AMY2B: variants seen among roughly 807,000 people sequenced by gnomAD.
AMY2B encodes the protein amylase alpha 2B, also known as alpha-amylase 2B.
A neutral mutation model predicts 59.3 loss-of-function variants in AMY2B; 63 were observed. The ratio of observed to expected loss-of-function variants is 1.06; its 90% CI spans 0.87 to 1.31. The LOEUF is 1.31. AMY2B is among the 50% of genes most tolerant of loss of function. The probability of loss-of-function intolerance (pLI) is 0.00; values close to 1 mark genes in which losing one functional copy is unlikely to be tolerated. For synonymous variants in AMY2B, 180 were observed against 198.1 expected, an observed-to-expected ratio of 0.91 and a Z score of 0.77; for missense variants, 635 against 626.7, an observed-to-expected ratio of 1.01 and a Z score of -0.14.
intron 4 of AMY2B, 62 bp from the exon 5 acceptor site, chr1:103,574,198 T>C: frequency 1.2e-6 from 2 of 1,607,964 alleles, no homozygotes; most frequent in Non-Finnish European, 1.7e-6. Flanking sequence ...AATATTAACT[T>C]ATTGGTTAAA....
chr1:103,569,670 C>T (rs1652043346), upstream of AMY2B: 14 of 387,460 alleles, frequency 3.6e-5, no homozygotes, highest in South Asian at 2.6e-4. Context: ...GCCCCCGGCA[C>T]CAGGGCATGA....
intron 9 of AMY2B, 139 bp downstream of exon 9, chr1:103,577,984 G>C: frequency 6.6e-7 from 1 of 1,513,836 alleles, no homozygotes; most frequent in Non-Finnish European, 8.8e-7. Context: ...ATCAAAATTG[G>C]GCAGAAGTAA....
At chr1:103,562,842 T>C (rs184463359) in intron 1 of AMY2B, among the ~76,000 whole-genome samples, 30 of 152,172 alleles carry the variant, frequency 2.0e-4, no homozygotes, top group African/African-American at 7.0e-4. Context: ...AAGTTGCTAC[T>C]TTCTGCTTAA....
intron 1 of AMY2B, among the ~76,000 whole-genome samples, chr1:103,557,021 T>C (rs1651573748): frequency 6.6e-6 from 1 of 151,878 alleles, no homozygotes; most frequent in African/African-American, 2.4e-5. Flanking sequence ...CTGATGATTT[T>C]CAAGAAGAAT....
intron 1 of AMY2B, among the ~76,000 whole-genome samples, chr1:103,557,575 A>C (rs1265811780): frequency 4.0e-5 from 6 of 151,892 alleles, no homozygotes; most frequent in Non-Finnish European, 7.4e-5. Flanking sequence ...AATCATTTGA[A>C]CCCGAAGGTG....
chr1:103,563,416 A>G lies in AMY2B; in HGVS notation c.-206-2019A>G, dbSNP rs1462525265. On this transcript the variant is annotated intron_variant, in intron 1 of 11. Transcript: ENST00000361355. The stretch of plus-strand genomic sequence containing the variant: ...AATAACTATTTCAGAAAGTAGATAT[A>G]ACAACTATTTTAAATCCTTATTTTT... 3.3e-5 allele frequency among the ~76,000 whole-genome samples: 5 copies of G among 152,286 alleles called. No homozygotes were observed. The East Asian group carries it at 9.6e-4, about 29-fold the overall frequency.
At chr1:103,566,416 C>A (rs1244032543) in intron 2 of AMY2B, among the ~76,000 whole-genome samples, 1 of 152,000 alleles carries the variant, frequency 6.6e-6, no homozygotes, top group African/African-American at 2.4e-5. Context: ...TAAAAGAAAC[C>A]AAAAGACACT....
chr1:103,569,808 G>A (rs1652048954), upstream of AMY2B: 2 of 452,366 alleles, frequency 4.4e-6, no homozygotes, highest in African/African-American at 2.0e-5. Context: ...GAGAAGATCT[G>A]GCATCACACC....
At chr1:103,562,372 T>C (rs911490379) in intron 1 of AMY2B, among the ~76,000 whole-genome samples, 3 of 152,202 alleles carry the variant, frequency 2.0e-5, no homozygotes, top group African/African-American at 7.2e-5. Context: ...TTGCAACTTA[T>C]CCTGAGTTCA....
upstream of AMY2B, chr1:103,571,159 G>A (rs1652116047): frequency 1.2e-5 from 11 of 933,536 alleles, no homozygotes; most frequent in Non-Finnish European, 1.5e-5. Flanking sequence ...CTTAGCTTCT[G>A]TTGTCTGCCA....
intron 1 of AMY2B, chr1:103,564,959 A>T (rs1282775061): frequency 6.6e-6 from 1 of 152,136 alleles, no homozygotes; most frequent in Non-Finnish European, 1.5e-5. Flanking sequence ...TTTAAATCAC[A>T]GAGTCCCCAT....
At chr1:103,576,261 G>A (rs562667692) in intron 7 of AMY2B, among the ~76,000 whole-genome samples, 1 of 152,140 alleles carries the variant, frequency 6.6e-6, no homozygotes, top group Non-Finnish European at 1.5e-5. Context: ...TCCTTCCTCT[G>A]AGTCACACAG....
Position 103,575,453 on chromosome 1 carries a change from G to C in AMY2B, c.1014G>C (p.Met338Ile). The C allele has an allele frequency of 3.1e-6, 5 of 1,613,564 alleles. No individual in the cohort carries two copies. Among genetic ancestry groups the C allele is most frequent in the Non-Finnish European group, 4.2e-6 (5 of 1,179,704 alleles). The change falls in exon 7 of 10, where the codon ATG becomes ATC. Residue 338 changes from methionine to isoleucine, a missense_variant. Physicochemically the swap from Met to Ile is conservative, Grantham distance 10. Coordinates refer to ENST00000684275, the MANE Select transcript of AMY2B (RefSeq NM_001387437.1). ...LTFWDARLYK[M>I]AVGFMLAHPY... ...ATGTAACTTTCAGGCTGTATAAAAT[G>C]GCAGTTGGATTTATGCTTGCTCATC...
intron 1 of AMY2B, among the ~76,000 whole-genome samples, chr1:103,560,842 G>A (rs896473339): frequency 1.3e-5 from 2 of 151,958 alleles, no homozygotes; most frequent in African/African-American, 4.8e-5. Context: ...TATTTTATTT[G>A]ATTTTTCTAA....
At chr1:103,568,010 C>G (rs528973808), upstream of AMY2B, among the ~76,000 whole-genome samples, 1 of 152,286 alleles carries the variant, frequency 6.6e-6, no homozygotes. Flanking sequence ...CTATAATACC[C>G]TGATGGAAAA....
At chr1:103,556,201 T>C (rs1302362600) in intron 1 of AMY2B, among the ~76,000 whole-genome samples, 1 of 151,782 alleles carries the variant, frequency 6.6e-6, no homozygotes, top group African/African-American at 2.4e-5. Context: ...CTGTGGTTTA[T>C]TTAAGTGGTA....
chr1:103,573,641 A>G (rs1283446125), intron 3 of AMY2B, 67 bp from the exon 4 acceptor site: 8 of 1,597,850 alleles, frequency 5.0e-6, no homozygotes, highest in Non-Finnish European at 6.9e-6. Flanking sequence ...ATAAATGAAT[A>G]ATCAAATGGA....
At chr1:103,573,292 G>A (rs772082532) in intron 3 of AMY2B, 32 bp downstream of exon 3, 3 of 1,613,146 alleles carry the variant, frequency 1.9e-6, no homozygotes, top group Admixed American at 3.3e-5. Flanking sequence ...ATCTGAATAA[G>A]GGGTGATATA....
At chr1:103,571,124 C>T, upstream of AMY2B, 1 of 962,598 alleles carries the variant, frequency 1.0e-6, no homozygotes, top group South Asian at 2.7e-5. Context: ...TTGGAAAGTC[C>T]AAGCCATAGG....
Sources: gnomAD v4.1 joint callset for allele counts (sites outside exome capture counted in the v4.1 genomes callset) on GRCh38, gnomAD v4.1.1 for gene constraint, MANE v1.5 for transcripts, NCBI Gene and HGNC (gene_info 2026-07-23, HGNC 2026-07-21) for gene names.